MORC2: variants seen among roughly 807,000 people sequenced by gnomAD.
MORC2 encodes the protein ATPase MORC2.
In MORC2, 30 loss-of-function variants were observed where a neutral mutation model predicts 136.0. The ratio of observed to expected loss-of-function variants is 0.22; its 90% CI spans 0.17 to 0.30. The LOEUF is 0.30. Ranked by LOEUF, MORC2 falls within the 10% of genes least tolerant of loss-of-function variation. MORC2 has a pLI of 1.00. For missense variants in MORC2, 922 were observed against 1,333.1 expected (o/e 0.69, Z 4.80); for synonymous variants, 439 against 487.0 (o/e 0.90, Z 1.30).
chr22:30,941,768 C>G lies in MORC2; in HGVS notation c.698+123G>C, dbSNP rs961964141. 27 of 1,137,962 alleles carry G rather than the reference C, an allele frequency of 2.4e-5. No individual in the cohort carries two copies. Among genetic ancestry groups the G allele is most frequent in the Non-Finnish European group, 2.5e-6 (2 of 784,500 alleles). The allele number at this position is 1,137,962 out of a possible 1,614,324, so 70.5% of individuals were successfully genotyped here. A position where few individuals can be genotyped will look rare whatever the true frequency, so the allele number is the denominator to read the frequency against. On this transcript the variant is annotated intron_variant, in intron 8 of 25. Coordinates refer to ENST00000397641, the MANE Select transcript of MORC2 (RefSeq NM_001303256.3). This position sits in a 1 kb window ranked among gnomAD's most constrained non-coding sequence, Gnocchi z 4.6. ...CACCCCACAGGCAACTGAGCTGGCC[C>G]TACATACTACCCTACCACAGAACAC...
chr22:30,955,342 A>C (rs188778927), intron 3 of MORC2, among the ~76,000 whole-genome samples: 3 of 152,256 alleles, frequency 2.0e-5, no homozygotes, highest in East Asian at 3.9e-4. Context: ...GAGAGAAAAG[A>C]AGCCTTATTT....
intron 2 of MORC2, among the ~76,000 whole-genome samples, chr22:30,957,842 A>G (rs1186104094): frequency 1.3e-5 from 2 of 152,252 alleles, no homozygotes; most frequent in Non-Finnish European, 2.9e-5. Context: ...AGTTTATTGT[A>G]TACACAGAGG....
At chr22:30,945,471 C>T (rs1042641334) in intron 6 of MORC2, among the ~76,000 whole-genome samples, 1 of 152,154 alleles carries the variant, frequency 6.6e-6, no homozygotes, top group African/African-American at 2.4e-5. Context: ...GTGGAAGTTG[C>T]GGATTTCTTT....
intron 3 of MORC2, among the ~76,000 whole-genome samples, chr22:30,953,338 C>T (rs974886361): frequency 1.4e-4 from 22 of 152,322 alleles, no homozygotes; most frequent in African/African-American, 5.1e-4. Flanking sequence ...TGCAGCTGTG[C>T]TTCATATCCT....
chr22:30,940,079 G>T (rs1451034935), intron 10 of MORC2, 38 bp from the exon 11 acceptor site: 1 of 1,598,860 alleles, frequency 6.3e-7, no homozygotes, highest in South Asian at 1.1e-5. Context: ...AAATGCAAAG[G>T]TTCAAAACTC....
intron 24 of MORC2, 54 bp from the exon 25 acceptor site, chr22:30,928,261 G>T (rs1192115834): frequency 1.9e-6 from 3 of 1,577,282 alleles, no homozygotes; most frequent in Non-Finnish European, 1.7e-6. Flanking sequence ...GGTCCCCAGG[G>T]CCCTTCTAGG....
intron 6 of MORC2, among the ~76,000 whole-genome samples, chr22:30,945,752 C>A (rs978282669): frequency 1.3e-5 from 2 of 152,192 alleles, no homozygotes; most frequent in Non-Finnish European, 2.9e-5. Context: ...TCCAGCATAG[C>A]AGTAATCACT....
In MORC2 at chr22:30,926,550, C is replaced by CAAAA. The variant is rs60514280; in HGVS notation, c.*249_*252dup. 34 of 25,788 alleles carry CAAAA rather than the reference C, an allele frequency of 1.3e-3. 10 individuals carry two copies. The highest frequency in any genetic ancestry group is 1.9e-3 in the Non-Finnish European group (27 of 14,442). The allele number at this position is 25,788 out of a possible 1,614,324, so 1.6% of individuals were successfully genotyped here. ...AAGGTTCTCTGTCCTTTGCAGTCAC[C>CAAAA]AAAAAAAAAAAAAAAAAAAAAAAAA... On this transcript the variant is annotated 3_prime_UTR_variant, in exon 26 of 26. Coordinates refer to ENST00000397641, the MANE Select transcript of MORC2 (RefSeq NM_001303256.3).
At chr22:30,951,882 T>G (rs1375188080) in intron 3 of MORC2, among the ~76,000 whole-genome samples, 2 of 151,960 alleles carry the variant, frequency 1.3e-5, no homozygotes, top group African/African-American at 2.4e-5. Context: ...CTCGGCTCAC[T>G]GCAACCTCTG....
At chr22:30,931,235 C>T (rs928293470) in intron 24 of MORC2, among the ~76,000 whole-genome samples, 4 of 152,324 alleles carry the variant, frequency 2.6e-5, no homozygotes, top group Admixed American at 6.5e-5. Context: ...GCCCCTGGGC[C>T]GAATCAGCCT....
At chr22:30,927,592 G>A (rs1815352332) in intron 25 of MORC2, among the ~76,000 whole-genome samples, 1 of 152,194 alleles carries the variant, frequency 6.6e-6, no homozygotes, top group Non-Finnish European at 1.5e-5. Flanking sequence ...CAGGCTGTGA[G>A]AGCAGGAACC....
rs2040629148 is a variant in MORC2, at chr22:30,934,890, A to G, written c.2084T>C (p.Leu695Pro). 3 of 1,614,130 alleles carry G rather than the reference A, an allele frequency of 1.9e-6. No homozygotes were observed. Among genetic ancestry groups the G allele is most frequent in the Non-Finnish European group, 2.5e-6 (3 of 1,180,030 alleles). The change falls in exon 19 of 26, where the codon CTG (leucine) becomes CCG (proline). Residue 695 changes from leucine (L) to proline (P), a missense_variant. By Grantham distance (98) the Leu-to-Pro change is moderately conservative. Transcript: ENST00000397641. The surrounding 1 kb of genome is among the most constrained non-coding windows in gnomAD (Gnocchi z 4.4). ...GGAGTTGGGCAGTAAAGATGGTGAC[A>G]GTTGCTGCACCAGAGGGGCAGGTCG... ...ASRPAPLVQQ[L>P]SPSLLPNSKS...
At chr22:30,953,984 A>G (rs927512795) in intron 3 of MORC2, among the ~76,000 whole-genome samples, 1 of 152,182 alleles carries the variant, frequency 6.6e-6, no homozygotes, top group Admixed American at 6.5e-5. Context: ...TTCCCCCATG[A>G]ACTAACAACA....
intron 5 of MORC2, 116 bp from the exon 6 acceptor site, chr22:30,946,565 C>A (rs181684992): frequency 1.2e-6 from 1 of 800,224 alleles, no homozygotes. Context: ...CTCCTAAAGG[C>A]CCCCCCAGGT....
At chr22:30,966,721 T>G (rs1233380379) in intron 1 of MORC2, among the ~76,000 whole-genome samples, 1 of 152,108 alleles carries the variant, frequency 6.6e-6, no homozygotes, top group Non-Finnish European at 1.5e-5. Flanking sequence ...AAGGTTGCAG[T>G]GAGCCAAGAT....
chr22:30,937,716 A>C lies in MORC2; in HGVS notation c.1370-5T>G. The C allele has an allele frequency of 6.2e-7, 1 of 1,614,156 alleles. No individual in the cohort carries two copies. The highest frequency in any genetic ancestry group is 8.5e-7 in the Non-Finnish European group (1 of 1,180,024). On this transcript the variant is annotated splice_polypyrimidine_tract_variant and splice_region_variant and intron_variant, in intron 14 of 25. Coordinates refer to ENST00000397641, the MANE Select transcript of MORC2 (RefSeq NM_001303256.3). This position sits in a 1 kb window ranked among gnomAD's most constrained non-coding sequence, Gnocchi z 4.7. Reference sequence around the variant, plus strand: ...ACTTGATGATTCCCCTCTGGGCTGGAAAGCAAACACCGATACATCATGTTA... The same window carrying C: ...ACTTGATGATTCCCCTCTGGGCTGGCAAGCAAACACCGATACATCATGTTA...
At position 30,934,431 on chromosome 22, in the gene MORC2, T is replaced by A. The variant is rs2040622913; in HGVS notation, c.2194-240A>T. On this transcript the variant is annotated intron_variant, in intron 19 of 25. Transcript: ENST00000397641. The surrounding 1 kb of genome is among the most constrained non-coding windows in gnomAD (Gnocchi z 4.4). ...TCCCACCTTAGTCTACCTGGCCAAC[T>A]AGCTGTCACCTCCCCAAGAACCACC... Among the ~76,000 whole-genome samples the A allele has an allele frequency of 6.6e-6, 1 of 152,108 alleles. No individual in the cohort carries two copies. Among genetic ancestry groups the A allele is most frequent in the Non-Finnish European group, 1.5e-5 (1 of 68,018 alleles).
At position 30,935,062 on chromosome 22, in the gene MORC2, C is replaced by G. The variant is rs758467225; in HGVS notation, c.1912G>C (p.Ala638Pro). Residue 638 changes from alanine (A) to proline (P), a missense_variant, in exon 19 of 26, where the codon GCC becomes CCC. Around this residue, in one of 9 missense-constraint regions of MORC2, gnomAD observed 184 missense variants for 180.3 expected, o/e 1.02. Transcript: ENST00000397641. ...ACAGGAGCCTTTCGGGGCTGGCTGG[C>G]TGGTCTAGGAGTTGGCAAAGAAGGG... ...RPPSLPTPRP[A>P]SQPRKAPVIS... The G allele has an allele frequency of 6.2e-7, 1 of 1,613,722 alleles. No individual in the cohort carries two copies. The highest frequency in any genetic ancestry group is 1.3e-5 in the African/African-American group (1 of 74,788).
At chr22:30,950,552 G>T in intron 3 of MORC2, 107 bp from the exon 4 acceptor site, 4 of 1,135,754 alleles carry the variant, frequency 3.5e-6, no homozygotes, top group Non-Finnish European at 5.2e-6. Context: ...AAAAGGTCAG[G>T]TCAAGCCTAA....
Sources: gnomAD v4.1 joint callset for allele counts (sites outside exome capture counted in the v4.1 genomes callset) on GRCh38, gnomAD v4.1.1 for gene constraint, gnomAD v4.1.1 regional missense constraint, Gnocchi (gnomAD v3.1) non-coding constraint, MANE v1.5 for transcripts, NCBI Gene and HGNC (gene_info 2026-07-23, HGNC 2026-07-21) for gene names.